The following SPON1 variants were observed in gnomAD, a reference collection of about 807,000 sequenced individuals.
The protein encoded by SPON1 is spondin-1.
In SPON1, 52 loss-of-function variants were observed where a neutral mutation model predicts 111.7. The ratio of observed to expected loss-of-function variants is 0.47; its 90% CI spans 0.37 to 0.59. The LOEUF is 0.59. Among genes scored for constraint, SPON1 ranks in the 20% least tolerant of loss-of-function variants. The pLI is 0.00. For missense variants in SPON1, 957 were observed against 1,068.5 expected (o/e 0.90, Z 1.46); for synonymous variants, 410 against 395.8 (o/e 1.04, Z -0.43).
intron 6 of SPON1, among the ~76,000 whole-genome samples, chr11:14,136,422 G>T (rs1284636975): frequency 6.6e-6 from 1 of 152,220 alleles, no homozygotes; most frequent in Non-Finnish European, 1.5e-5. Context: ...TCACTGAGAG[G>T]CTGTTGCCCT....
At chr11:14,179,868 T>C (rs1295524414) in intron 6 of SPON1, among the ~76,000 whole-genome samples, 1 of 151,996 alleles carries the variant, frequency 6.6e-6, no homozygotes, top group Admixed American at 6.6e-5. Flanking sequence ...CTCTGTCCTT[T>C]CCTCCTTCCC....
intron 5 of SPON1, among the ~76,000 whole-genome samples, chr11:14,084,463 GC>G (rs1848989561): frequency 6.6e-6 from 1 of 152,074 alleles, no homozygotes; most frequent in Non-Finnish European, 1.5e-5. Flanking sequence ...CCATGTCCCT[GC>G]AAAGGACATG....
chr11:14,118,680 C>T (rs1183033673), intron 5 of SPON1, among the ~76,000 whole-genome samples: 1 of 152,112 alleles, frequency 6.6e-6, no homozygotes, highest in African/African-American at 2.4e-5. Context: ...CTACTTCTCC[C>T]CATTATCTCC....
chr11:14,243,643 A>G (rs1366758750), intron 7 of SPON1, among the ~76,000 whole-genome samples: 2 of 152,122 alleles, frequency 1.3e-5, no homozygotes, highest in African/African-American at 2.4e-5. Flanking sequence ...TTTAATACCA[A>G]CTCAGATGGG....
intron 5 of SPON1, among the ~76,000 whole-genome samples, chr11:14,089,352 C>T (rs1205286489): frequency 6.6e-6 from 1 of 152,110 alleles, no homozygotes; most frequent in Non-Finnish European, 1.5e-5. Flanking sequence ...GATGTTATTG[C>T]TTCCTGTTTG....
intron 5 of SPON1, among the ~76,000 whole-genome samples, chr11:14,090,138 C>T (rs1849037857): frequency 6.6e-6 from 1 of 151,574 alleles, no homozygotes; most frequent in African/African-American, 2.4e-5. Context: ...TTTCAGCCCC[C>T]TTTCCAGGGG....
At chr11:14,086,646 T>C (rs1221816443) in intron 5 of SPON1, among the ~76,000 whole-genome samples, 1 of 152,226 alleles carries the variant, frequency 6.6e-6, no homozygotes, top group Non-Finnish European at 1.5e-5. Context: ...GGAATTGGGA[T>C]GATGCTGGCC....
At chr11:14,265,410 C>T (rs1849253287) in intron 15 of SPON1, 114 bp from the exon 16 acceptor site, 1 of 1,215,066 alleles carries the variant, frequency 8.2e-7, no homozygotes, top group East Asian at 2.6e-5. Context: ...CCAATCATTA[C>T]ATACTTGAGC....
At chr11:14,212,407 TA>T in intron 6 of SPON1, among the ~76,000 whole-genome samples, 1 of 152,350 alleles carries the variant, frequency 6.6e-6, no homozygotes, top group East Asian at 1.9e-4. Flanking sequence ...ATGTTTATTA[TA>T]AAATATCATC....
chr11:14,266,414 TC>T lies in SPON1; in HGVS notation c.*730del. The T allele has an allele frequency of 6.6e-6, 1 of 152,180 alleles. No individual in the cohort carries two copies. The highest frequency in any genetic ancestry group is 1.5e-5 in the Non-Finnish European group (1 of 68,042). 9.4% of individuals were successfully genotyped at this position (152,180 alleles called of 1,614,324 possible). A position where few individuals can be genotyped will look rare whatever the true frequency, so the allele number is the denominator to read the frequency against. ...AAATAATAAGCTTAGAGTGTATTTTTCCCTTGCTTTTGGGGGTTCAGAGGAG... is the reference window on the plus strand; with the variant it reads ...AAATAATAAGCTTAGAGTGTATTTTTCCTTGCTTTTGGGGGTTCAGAGGAG... On this transcript the variant is annotated 3_prime_UTR_variant, in exon 16 of 16. Coordinates refer to ENST00000576479, the MANE Select transcript of SPON1 (RefSeq NM_006108.4).
At chr11:14,122,638 CCTAT>C (rs747647223) in intron 5 of SPON1, among the ~76,000 whole-genome samples, 48 of 152,080 alleles carry the variant, frequency 3.2e-4, no homozygotes, top group Non-Finnish European at 5.3e-4. Context: ...TTTTCATCAC[CCTAT>C]CTTTTAGTTC....
At chr11:14,066,559 T>G (rs1323302998) in intron 3 of SPON1, among the ~76,000 whole-genome samples, 1 of 152,180 alleles carries the variant, frequency 6.6e-6, no homozygotes, top group Non-Finnish European at 1.5e-5. Flanking sequence ...CTGACAAATT[T>G]CCAGCCAGTG....
intron 3 of SPON1, among the ~76,000 whole-genome samples, chr11:14,058,335 G>A (rs1848763171): frequency 6.6e-6 from 1 of 152,158 alleles, no homozygotes; most frequent in South Asian, 2.1e-4. Context: ...TGCAGCCTGT[G>A]TGACCGGAGA....
At chr11:14,243,778 T>C (rs1848956748) in intron 7 of SPON1, among the ~76,000 whole-genome samples, 1 of 152,204 alleles carries the variant, frequency 6.6e-6, no homozygotes, top group African/African-American at 2.4e-5. Context: ...AGATTTACCC[T>C]GGGTTCCATT....
intron 5 of SPON1, among the ~76,000 whole-genome samples, chr11:14,128,761 G>C (rs782154436): frequency 6.6e-6 from 1 of 152,220 alleles, no homozygotes; most frequent in East Asian, 1.9e-4. Flanking sequence ...GCAGGCTTCT[G>C]CCTGGACATC....
intron 3 of SPON1, among the ~76,000 whole-genome samples, chr11:14,049,638 A>G (rs1848694077): frequency 6.6e-6 from 1 of 152,168 alleles, no homozygotes; most frequent in African/African-American, 2.4e-5. Context: ...GCAGGCAGTA[A>G]GGACACAGAG....
At chr11:14,089,194 T>C (rs1467698932) in intron 5 of SPON1, among the ~76,000 whole-genome samples, 1 of 152,108 alleles carries the variant, frequency 6.6e-6, no homozygotes, top group Non-Finnish European at 1.5e-5. Flanking sequence ...TGTGATCCTT[T>C]GTAGGAGAAG....
At chr11:14,163,044 CATCTT>C (rs1171284250) in intron 6 of SPON1, among the ~76,000 whole-genome samples, 1 of 152,194 alleles carries the variant, frequency 6.6e-6, no homozygotes, top group Non-Finnish European at 1.5e-5. Context: ...TGTCACCACT[CATCTT>C]ATCCTCACAT....
rs34948884 is a variant in SPON1 at position 14,122,933 on chromosome 11, A to ATTTT, written c.677-12472_677-12469dup. Among the ~76,000 whole-genome samples the ATTTT allele has an allele frequency of 3.9e-3, 520 of 132,550 alleles. 6 individuals carry two copies. Among genetic ancestry groups the ATTTT allele is most frequent in the African/African-American group, 7.9e-3 (276 of 35,014 alleles). 87.0% of individuals were successfully genotyped at this position (132,550 alleles called of 152,430 possible). ...TTCCTGCCTTTATACTGCTCTTGTA[A>ATTTT]TTTTTTTTTTTTTTTTTTGAGACAG... On this transcript the variant is annotated intron_variant, in intron 5 of 15. Coordinates refer to ENST00000576479, the MANE Select transcript of SPON1 (RefSeq NM_006108.4).
Sources: gnomAD v4.1 joint callset for allele counts (sites outside exome capture counted in the v4.1 genomes callset) on GRCh38, gnomAD v4.1.1 for gene constraint, MANE v1.5 for transcripts, NCBI Gene and HGNC (gene_info 2026-07-23, HGNC 2026-07-21) for gene names.